Variants in UGT1A4 observed in about 807,000 individuals in gnomAD.
UGT1A4 encodes UDP glucuronosyltransferase family 1 member A4, also known as UDP-glucuronosyltransferase 1A4.
In UGT1A4, 32 loss-of-function variants were observed where a neutral mutation model predicts 41.1. The observed-to-expected ratio is 0.78, with a 90% CI of 0.59 to 1.05. The LOEUF (loss-of-function observed/expected upper bound fraction) is 1.05. Ranked by LOEUF, UGT1A4 falls within the 50% of genes least tolerant of loss-of-function variation. UGT1A4 has a pLI of 0.00. For missense variants in UGT1A4, 748 were observed against 677.4 expected, an observed-to-expected ratio of 1.10 and a Z score of -1.16; for synonymous variants, 283 against 265.1, an observed-to-expected ratio of 1.07 and a Z score of -0.66.
intron 1 of UGT1A4, chr2:233,740,822 C>A (rs1691482429): frequency 1.3e-5 from 2 of 151,840 alleles, no homozygotes; most frequent in Non-Finnish European, 2.9e-5. Flanking sequence ...TGTTTTTGAG[C>A]TGAGACATTT....
chr2:233,729,877 C>T, intron 1 of UGT1A4: 5 of 1,613,842 alleles, frequency 3.1e-6, no homozygotes, highest in Non-Finnish European at 4.2e-6. Flanking sequence ...TATTCTCAGT[C>T]ATGCATCTGT....
intron 1 of UGT1A4, among the ~76,000 whole-genome samples, chr2:233,727,559 C>G (rs1406536864): frequency 6.6e-6 from 1 of 152,176 alleles, no homozygotes; most frequent in Non-Finnish European, 1.5e-5. Flanking sequence ...CTGGGCTCAT[C>G]ATGAGGGTGC....
At position 233,718,915 on chromosome 2, in the gene UGT1A4, T is replaced by C. The variant is rs979373640; in HGVS notation, c.95T>C (p.Leu32Ser). The C allele has an allele frequency of 6.2e-7, 1 of 1,613,984 alleles. No individual in the cohort carries two copies. The highest frequency in any genetic ancestry group is 1.3e-5 in the African/African-American group (1 of 74,938). ...CCCTGGGCTGAGAGTGGAAAGGTGT[T>C]GGTGGTGCCCACTGATGGCAGCCCC... is the stretch of plus-strand genomic sequence containing the variant. ...VQPWAESGKV[L>S]VVPTDGSPWL... Residue 32 changes from leucine (L) to serine (S), a missense_variant, in exon 1 of 5, where the codon TTG becomes TCG. Coordinates refer to ENST00000373409, the MANE Select transcript of UGT1A4 (RefSeq NM_007120.3).
Position 233,719,279 on chromosome 2 carries a change from C to G in UGT1A4, c.459C>G (p.Pro153=), listed in dbSNP as rs371816622. 2 of 1,613,960 alleles carry G rather than the reference C, an allele frequency of 1.2e-6. No individual in the cohort carries two copies. The highest frequency in any genetic ancestry group is 1.7e-6 in the Non-Finnish European group (2 of 1,179,986). The change falls in exon 1 of 5, where the codon CCC becomes CCG. Residue 153 remains proline, a synonymous_variant. Transcript: ENST00000373409. ...CCTTTGATGTGGTTTTAACAGACCCCGTTAACCTCTGTGGGGCGGTGCTGG... is the reference window on the plus strand; with the variant it reads ...CCTTTGATGTGGTTTTAACAGACCCGGTTAACCTCTGTGGGGCGGTGCTGG... The part of the protein sequence containing the change: ...ATSFDVVLTD[P]VNLCGAVLAK...
At chr2:233,753,773 C>G (rs1417094785) in intron 1 of UGT1A4, 1 of 152,234 alleles carries the variant, frequency 6.6e-6, no homozygotes, top group East Asian at 1.9e-4. Flanking sequence ...TTTGGAAACG[C>G]TTTTCTTTAC....
chr2:233,744,546 A>G (rs6741669), intron 1 of UGT1A4, among the ~76,000 whole-genome samples: 82,767 of 151,282 alleles, frequency 0.55, 24,843 homozygotes, highest in African/African-American at 0.8. Flanking sequence ...AAATTTTATT[A>G]AGACAAAATG....
chr2:233,727,615 G>A (rs1416380597), intron 1 of UGT1A4, among the ~76,000 whole-genome samples: 1 of 152,148 alleles, frequency 6.6e-6, no homozygotes, highest in Non-Finnish European at 1.5e-5. Flanking sequence ...TAGTTCAGAG[G>A]CTGAGAGGTT....
At chr2:233,750,699 C>T (rs1694542281) in intron 1 of UGT1A4, 1 of 151,888 alleles carries the variant, frequency 6.6e-6, no homozygotes, top group South Asian at 2.1e-4. Context: ...TAAAAGAGGC[C>T]AAGGTAGAGC....
At chr2:233,732,949 A>G (rs1182362779) in intron 1 of UGT1A4, among the ~76,000 whole-genome samples, 5 of 152,116 alleles carry the variant, frequency 3.3e-5, no homozygotes, top group African/African-American at 1.2e-4. Flanking sequence ...TGAGCATGGA[A>G]TGTTCTTCCA....
intron 1 of UGT1A4, among the ~76,000 whole-genome samples, chr2:233,745,931 A>T (rs1693251740): frequency 1.3e-5 from 2 of 151,426 alleles, no homozygotes; most frequent in African/African-American, 4.9e-5. Flanking sequence ...TTCAGAAGGG[A>T]CAGCTGGGGG....
chr2:233,743,310 G>T, intron 1 of UGT1A4: 2 of 644,780 alleles, frequency 3.1e-6, no homozygotes, highest in Non-Finnish European at 5.0e-6. Context: ...TCTTGGTGGT[G>T]ATTTTTTTAC....
At position 233,718,789 on chromosome 2, in the gene UGT1A4, T is replaced by C. The variant is rs745402322; in HGVS notation, c.-32T>C. ...CAAATGTAGCAGGCACAGCGTGGGGTGGACAGTCAGCTGTCGGTGGCTTCT... is the reference window on the plus strand; with the variant it reads ...CAAATGTAGCAGGCACAGCGTGGGGCGGACAGTCAGCTGTCGGTGGCTTCT... On this transcript the variant is annotated 5_prime_UTR_variant, in exon 1 of 5. Coordinates refer to ENST00000373409, the MANE Select transcript of UGT1A4 (RefSeq NM_007120.3). The C allele has an allele frequency of 5.6e-6, 9 of 1,612,926 alleles. No individual in the cohort carries two copies. The highest frequency in any genetic ancestry group is 7.6e-6 in the Non-Finnish European group (9 of 1,179,996).
chr2:233,750,088 A>G (rs1694357041), intron 1 of UGT1A4, among the ~76,000 whole-genome samples: 1 of 151,928 alleles, frequency 6.6e-6, no homozygotes, highest in South Asian at 2.1e-4. Context: ...AGGTTGGAAC[A>G]GTTTGGAGAG....
chr2:233,724,379 C>T (rs1274419342), intron 1 of UGT1A4, among the ~76,000 whole-genome samples: 6 of 145,710 alleles, frequency 4.1e-5, no homozygotes, highest in African/African-American at 7.6e-5. Flanking sequence ...GGCTGCCGGG[C>T]GGAGACGCTC....
chr2:233,738,818 A>T (rs779696858), intron 1 of UGT1A4: 1 of 152,242 alleles, frequency 6.6e-6, no homozygotes. Context: ...AGAAATTTGA[A>T]TAAATAAGGA....
chr2:233,746,540 T>G (rs1172057692), intron 1 of UGT1A4, among the ~76,000 whole-genome samples: 2 of 151,806 alleles, frequency 1.3e-5, no homozygotes, highest in Admixed American at 6.5e-5. Context: ...TGCCCTGCTG[T>G]GTGACTTCTT....
intron 1 of UGT1A4, among the ~76,000 whole-genome samples, chr2:233,725,182 A>G (rs1185569328): frequency 3.4e-5 from 3 of 87,630 alleles, no homozygotes; most frequent in African/African-American, 2.7e-4. Flanking sequence ...CCGTGGGGAG[A>G]GGCAGAGGCA....
At chr2:233,760,338 G>C (rs753493472) in intron 1 of UGT1A4, 4 of 1,614,036 alleles carry the variant, frequency 2.5e-6, no homozygotes, top group Admixed American at 1.7e-5. Context: ...GCCTGCTGCT[G>C]TGTGTGCTGG....
chr2:233,746,453 C>T (rs1693396271), intron 1 of UGT1A4, among the ~76,000 whole-genome samples: 1 of 151,712 alleles, frequency 6.6e-6, no homozygotes, highest in South Asian at 2.1e-4. Flanking sequence ...AAGAAAGTAC[C>T]TTCAAAAGGG....
Sources: allele counts gnomAD v4.1 joint callset (sites outside exome capture counted in the v4.1 genomes callset), GRCh38; gene constraint gnomAD v4.1.1; transcripts MANE v1.5; gene names NCBI Gene and HGNC (gene_info 2026-07-23, HGNC 2026-07-21).